FRMD6: variants seen among roughly 807,000 people sequenced by gnomAD.
The protein encoded by FRMD6 is FERM domain-containing protein 6.
In FRMD6, 37 loss-of-function variants were observed where a neutral mutation model predicts 73.2. The observed-to-expected ratio is 0.51, with a 90% confidence interval of 0.39 to 0.66. FRMD6 has a LOEUF of 0.66. Ranked by LOEUF, FRMD6 falls within the 30% of genes least tolerant of loss-of-function variation. The pLI is 0.00. For synonymous variants in FRMD6, 273 were observed against 282.2 expected (o/e 0.97, Z 0.33); for missense variants, 714 against 780.5 (o/e 0.91, Z 1.02).
chr14:51,576,833 C>T (rs1342202651), intron 2 of FRMD6, among the ~76,000 whole-genome samples: 1 of 152,176 alleles, frequency 6.6e-6, no homozygotes, highest in Admixed American at 6.5e-5. Context: ...AAGACAGGTC[C>T]TCCTCCCAAT....
Position 51,653,786 on chromosome 14 carries a change from C to T in FRMD6, c.-147+1790C>T, listed in dbSNP as rs114289889. Among the ~76,000 whole-genome samples, 422 of 152,242 alleles carry T rather than the reference C, an allele frequency of 2.8e-3. 1 individual carries two copies. The highest frequency in any genetic ancestry group is 9.4e-3 in the African/African-American group (392 of 41,532). On this transcript the variant is annotated intron_variant, in intron 1 of 13. Coordinates refer to ENST00000344768, the MANE Select transcript of FRMD6 (RefSeq NM_001267046.2). ...AATGAAAATACTTCACAATATGAGA[C>T]AGCTGGCATTTGAATACTTTTCCCA...
chr14:51,452,474 G>A, the FRMD6 span, among the ~76,000 whole-genome samples: 1 of 152,206 alleles, frequency 6.6e-6, no homozygotes, highest in Admixed American at 6.5e-5. Flanking sequence ...GGGATGTTGA[G>A]GAGATAATAA....
chr14:51,403,000 A>G, the FRMD6 span, among the ~76,000 whole-genome samples: 1 of 152,178 alleles, frequency 6.6e-6, no homozygotes, highest in Admixed American at 6.5e-5. Context: ...GGACGCAGGA[A>G]GGTTCCCAGA....
the FRMD6 span, among the ~76,000 whole-genome samples, chr14:51,446,481 G>A: frequency 4.8e-5 from 1 of 20,644 alleles, no homozygotes; most frequent in Non-Finnish European, 1.1e-4. Context: ...CGGAAGTTGA[G>A]GTTGCCTGTA....
At chr14:51,680,177 C>T in intron 1 of FRMD6, among the ~76,000 whole-genome samples, 1 of 152,160 alleles carries the variant, frequency 6.6e-6, no homozygotes, top group Non-Finnish European at 1.5e-5. Context: ...GCTCTGTAAC[C>T]AGGCTTCTCA....
At chr14:51,590,903 G>A (rs1374237057) in intron 2 of FRMD6, among the ~76,000 whole-genome samples, 1 of 152,210 alleles carries the variant, frequency 6.6e-6, no homozygotes, top group Non-Finnish European at 1.5e-5. Context: ...TTAATGTGTA[G>A]CCTGATTTAT....
chr14:51,544,795 T>A (rs1886381532), intron 1 of FRMD6, among the ~76,000 whole-genome samples: 1 of 152,076 alleles, frequency 6.6e-6, no homozygotes, highest in Non-Finnish European at 1.5e-5. Flanking sequence ...CAAGCCTGCA[T>A]AAGGATGAAA....
intron 7 of FRMD6, among the ~76,000 whole-genome samples, chr14:51,709,361 GC>G (rs571008982): frequency 5.3e-4 from 81 of 152,182 alleles, no homozygotes; most frequent in Non-Finnish European, 4.0e-4. Flanking sequence ...TTAAAACAGT[GC>G]CCAGCACATG....
At chr14:51,589,351 T>G (rs200023395) in intron 2 of FRMD6, among the ~76,000 whole-genome samples, 6 of 32,552 alleles carry the variant, frequency 1.8e-4, no homozygotes, top group South Asian at 9.7e-4. Flanking sequence ...TTGTTTTTGG[T>G]TTTTTTTGTT....
At chr14:51,596,248 G>GGTGTGT (rs3060588) in intron 2 of FRMD6, among the ~76,000 whole-genome samples, 43,912 of 147,532 alleles carry the variant, frequency 0.3, 6,680 homozygotes, top group Admixed American at 0.35. Context: ...AGGAGAGCCT[G>GGTGTGT]GTGTGTGTGT....
the FRMD6 span, among the ~76,000 whole-genome samples, chr14:51,456,115 AT>A: frequency 6.6e-6 from 1 of 152,062 alleles, no homozygotes. Context: ...CTGAATCATC[AT>A]CCTGTGGGAA....
intron 1 of FRMD6, among the ~76,000 whole-genome samples, chr14:51,549,581 C>CA (rs1555374662): frequency 1.7e-5 from 2 of 118,794 alleles, no homozygotes; most frequent in Non-Finnish European, 3.4e-5. Context: ...GGAGTATAAA[C>CA]TTTTTTTTTC....
At chr14:51,417,278 C>G in the FRMD6 span, among the ~76,000 whole-genome samples, 2 of 152,190 alleles carry the variant, frequency 1.3e-5, no homozygotes, top group African/African-American at 4.8e-5. Flanking sequence ...CATGTTTTTG[C>G]AGTGGCTGGT....
At chr14:51,430,977 A>G in the FRMD6 span, among the ~76,000 whole-genome samples, 1 of 152,200 alleles carries the variant, frequency 6.6e-6, no homozygotes, top group African/African-American at 2.4e-5. Flanking sequence ...CTATTCATGT[A>G]TGGAGTATGT....
At chr14:51,657,348 G>A (rs1186037867) in intron 1 of FRMD6, among the ~76,000 whole-genome samples, 1 of 152,182 alleles carries the variant, frequency 6.6e-6, no homozygotes, top group African/African-American at 2.4e-5. Context: ...AAATCAAGAA[G>A]CAGAACATTA....
At chr14:51,515,746 A>T (rs1245413191) in intron 1 of FRMD6, among the ~76,000 whole-genome samples, 1 of 152,116 alleles carries the variant, frequency 6.6e-6, no homozygotes, top group African/African-American at 2.4e-5. Context: ...TTCCAAGGAG[A>T]CCCATCCGTT....
chr14:51,411,345 CA>C, the FRMD6 span, among the ~76,000 whole-genome samples: 1 of 151,914 alleles, frequency 6.6e-6, no homozygotes, highest in African/African-American at 2.4e-5. Flanking sequence ...GAATATTCAC[CA>C]AAAAAGCAGA....
the FRMD6 span, among the ~76,000 whole-genome samples, chr14:51,417,364 C>T: frequency 1.1e-4 from 16 of 152,178 alleles, no homozygotes; most frequent in Non-Finnish European, 2.4e-4. Flanking sequence ...CAAAATCTCT[C>T]AGCATTTGCT....
At chr14:51,546,397 T>G (rs544324763) in intron 1 of FRMD6, among the ~76,000 whole-genome samples, 1 of 44,840 alleles carries the variant, frequency 2.2e-5, no homozygotes, top group African/African-American at 1.3e-4. Context: ...AGAGAAACTC[T>G]TTTTTTTTTC....
Sources: allele counts gnomAD v4.1 joint callset (sites outside exome capture counted in the v4.1 genomes callset), GRCh38; gene constraint gnomAD v4.1.1; transcripts MANE v1.5; gene names NCBI Gene and HGNC (gene_info 2026-07-23, HGNC 2026-07-21).